Variants in SLC47A1 observed in about 807,000 individuals in gnomAD.
The protein encoded by SLC47A1 is multidrug and toxin extrusion protein 1.
SLC47A1 carries 58 observed loss-of-function variants against 65.8 expected under a neutral mutation model. That is an observed-to-expected ratio of 0.88 (90% CI 0.71 to 1.10). The LOEUF is 1.10. Among genes scored for constraint, SLC47A1 ranks in the 50% least tolerant of loss-of-function variants. The pLI, the probability that SLC47A1 is intolerant of heterozygous loss-of-function variation, is 0.00. For missense variants in SLC47A1, 706 were observed against 719.2 expected (o/e 0.98, Z 0.21); for synonymous variants, 285 against 295.0 (o/e 0.97, Z 0.35).
Position 19,546,423 on chromosome 17 carries a change from G to A in SLC47A1, c.238-12G>A. The A allele has an allele frequency of 6.2e-7, 1 of 1,613,490 alleles. No homozygotes were observed. ...TAACTCTATAGGGCCTTATCTTTGG[G>A]TTTATTTGCAGGTTATCAATGTCAC... On this transcript the variant is annotated splice_polypyrimidine_tract_variant and intron_variant, in intron 2 of 16. Transcript: ENST00000270570.
At chr17:19,576,809 G>A (rs1288444395) in intron 16 of SLC47A1, among the ~76,000 whole-genome samples, 1 of 151,226 alleles carries the variant, frequency 6.6e-6, no homozygotes, top group Non-Finnish European at 1.5e-5. Context: ...GCACCATCTT[G>A]GCTCACCCAA....
At chr17:19,574,561 A>G (rs2084424244) in intron 16 of SLC47A1, among the ~76,000 whole-genome samples, 1 of 152,220 alleles carries the variant, frequency 6.6e-6, no homozygotes, top group Admixed American at 6.5e-5. Context: ...AATGATCTTC[A>G]GGGAAGGGTT....
Position 19,549,521 on chromosome 17 carries a change from T to C in SLC47A1, c.456-114T>C. The C allele has an allele frequency of 2.6e-6, 3 of 1,151,314 alleles. No homozygotes were observed. The South Asian group carries it at 3.8e-5, about 15-fold the overall frequency. 71.3% of individuals were successfully genotyped at this position (1,151,314 alleles called of 1,614,324 possible). ...CTCCAGCAACTTAAGCCCATTAATC[T>C]GGAAACAGCCAAGAATGGAAAAGGC... On this transcript the variant is annotated intron_variant, in intron 4 of 16. Transcript: ENST00000270570.
chr17:19,561,599 C>T lies in SLC47A1; in HGVS notation c.1106+1106C>T, dbSNP rs376670213. Among the ~76,000 whole-genome samples, 23 of 145,938 alleles carry T rather than the reference C, an allele frequency of 1.6e-4. No individual in the cohort carries two copies. The South Asian group carries it at 2.4e-3, about 16-fold the overall frequency. ...TGGAGCTTGCAGTGAGCTGAGATCC[C>T]GCCACTGCACTCCAGCCTGGGCGAC... On this transcript the variant is annotated intron_variant, in intron 12 of 16. Coordinates refer to ENST00000270570, the MANE Select transcript of SLC47A1 (RefSeq NM_018242.3).
intron 12 of SLC47A1, among the ~76,000 whole-genome samples, chr17:19,563,776 C>G (rs1260897967): frequency 6.6e-6 from 1 of 150,860 alleles, no homozygotes; most frequent in Non-Finnish European, 1.5e-5. Flanking sequence ...ATCACGAGGT[C>G]AGGAGATCGA....
intron 1 of SLC47A1, chr17:19,534,777 T>G (rs1376986561): frequency 6.6e-6 from 1 of 152,194 alleles, no homozygotes. Context: ...TTCTTTTCTT[T>G]TTAATCATTA....
chr17:19,567,366 A>G, intron 14 of SLC47A1, 138 bp downstream of exon 14: 1 of 1,322,632 alleles, frequency 7.6e-7, no homozygotes, highest in Non-Finnish European at 1.1e-6. Context: ...CTTGTCAGAG[A>G]GTGTAGGGGG....
intron 4 of SLC47A1, 125 bp from the exon 5 acceptor site, chr17:19,549,510 G>A (rs576030421): frequency 2.5e-5 from 25 of 1,011,202 alleles, no homozygotes; most frequent in African/African-American, 7.9e-5. Flanking sequence ...AGCAACTTAA[G>A]CCCATTAATC....
At chr17:19,549,414 G>C (rs749597269) in intron 4 of SLC47A1, among the ~76,000 whole-genome samples, 2 of 152,040 alleles carry the variant, frequency 1.3e-5, no homozygotes, top group East Asian at 3.9e-4. Context: ...AGCCAGGCTG[G>C]TCTCGAACTC....
Position 19,533,978 on chromosome 17 carries a change from C to T in SLC47A1, c.39C>T (p.Gly13=), listed in dbSNP as rs765677360. 430 of 1,539,596 alleles carry T rather than the reference C, an allele frequency of 2.8e-4. No homozygotes were observed. Among genetic ancestry groups the T allele is most frequent in the Admixed American group, 4.1e-4 (21 of 50,724 alleles). Reference sequence around the variant, plus strand: ...AGGAGCCCGCGCCAGTGCGCGGAGGCCCGGAGGCCACCCTTGAGGTCCGTG... The same window carrying T: ...AGGAGCCCGCGCCAGTGCGCGGAGGTCCGGAGGCCACCCTTGAGGTCCGTG... ...APEEPAPVRG[G]PEATLEVRGS... is the part of the protein sequence containing the mutation. Residue 13 remains glycine, a synonymous_variant, in exon 1 of 17, where the codon GGC becomes GGT. Coordinates refer to ENST00000270570, the MANE Select transcript of SLC47A1 (RefSeq NM_018242.3).
intron 4 of SLC47A1, 128 bp downstream of exon 4, chr17:19,548,261 C>A: frequency 1.7e-6 from 2 of 1,165,228 alleles, no homozygotes; most frequent in Non-Finnish European, 2.4e-6. Context: ...TGGCTGACGT[C>A]TCCTAGGTCT....
chr17:19,537,211 G>A (rs1916010732), intron 1 of SLC47A1, among the ~76,000 whole-genome samples: 1 of 152,244 alleles, frequency 6.6e-6, no homozygotes, highest in African/African-American at 2.4e-5. Context: ...CCACTTGTGT[G>A]GGAAGGAGCT....
At chr17:19,537,454 C>T (rs910257956) in intron 1 of SLC47A1, among the ~76,000 whole-genome samples, 8 of 152,148 alleles carry the variant, frequency 5.3e-5, no homozygotes, top group African/African-American at 9.7e-5. Context: ...GGCCTAGGCC[C>T]GAGGAGGGGA....
At chr17:19,548,276 A>G in intron 4 of SLC47A1, 143 bp downstream of exon 4, 2 of 955,254 alleles carry the variant, frequency 2.1e-6, no homozygotes, top group South Asian at 4.0e-5. Context: ...AGGTCTTAGT[A>G]CTTTCCACAC....
chr17:19,537,658 C>T (rs1386004676), intron 1 of SLC47A1, among the ~76,000 whole-genome samples: 3 of 152,222 alleles, frequency 2.0e-5, no homozygotes, highest in South Asian at 2.1e-4. Context: ...TCCACTTTTT[C>T]GTATCTCCGC....
chr17:19,553,293 C>T (rs560377614), intron 6 of SLC47A1, among the ~76,000 whole-genome samples: 4 of 152,240 alleles, frequency 2.6e-5, no homozygotes, highest in South Asian at 2.1e-4. Flanking sequence ...GACATGGAGA[C>T]GCATGCGTGT....
intron 12 of SLC47A1, 150 bp downstream of exon 12, chr17:19,560,643 C>T: frequency 1.3e-6 from 1 of 778,664 alleles, no homozygotes; most frequent in Non-Finnish European, 2.1e-6. Flanking sequence ...ACCTGTAATC[C>T]CAGCACTTTG....
intron 4 of SLC47A1, 93 bp from the exon 5 acceptor site, chr17:19,549,542 A>G: frequency 1.5e-6 from 2 of 1,315,460 alleles, no homozygotes; most frequent in Non-Finnish European, 2.2e-6. Context: ...AAGAATGGAA[A>G]AGGCAGTTTT....
chr17:19,539,169 C>T (rs1370304585), intron 1 of SLC47A1, among the ~76,000 whole-genome samples: 6 of 152,112 alleles, frequency 3.9e-5, no homozygotes, highest in Non-Finnish European at 5.9e-5. Flanking sequence ...CCTCAGCCTC[C>T]CCAAGTGCTG....
Sources: gnomAD v4.1 joint callset for allele counts (sites outside exome capture counted in the v4.1 genomes callset) on GRCh38, gnomAD v4.1.1 for gene constraint, MANE v1.5 for transcripts, NCBI Gene and HGNC (gene_info 2026-07-23, HGNC 2026-07-21) for gene names.